The following HLA-DMA variants were observed in gnomAD, a reference collection of about 807,000 sequenced individuals.
HLA-DMA encodes major histocompatibility complex, class II, DM alpha.
Under a neutral mutation model 27.3 loss-of-function variants are expected in HLA-DMA, and 20 were observed. That is an observed-to-expected ratio of 0.73 (90% CI 0.52 to 1.07). HLA-DMA has a LOEUF of 1.07. Among genes scored for constraint, HLA-DMA ranks in the 50% least tolerant of loss-of-function variants. The pLI, the probability that HLA-DMA is intolerant of heterozygous loss-of-function variation, is 0.00. For missense variants in HLA-DMA, 241 were observed against 321.7 expected (o/e 0.75, Z 1.92); for synonymous variants, 111 against 126.8 (o/e 0.88, Z 0.83).
At position 32,950,119 on chromosome 6, in the gene HLA-DMA, C is replaced by T. The variant is rs1295772174; in HGVS notation, c.374-230G>A. The T allele has an allele frequency of 1.7e-6, 1 of 600,604 alleles. No individual in the cohort carries two copies. The highest frequency in any genetic ancestry group is 1.9e-5 in the African/African-American group (1 of 53,908). 37.2% of individuals were successfully genotyped at this position (600,604 alleles called of 1,614,324 possible). On this transcript the variant is annotated intron_variant, in intron 2 of 4. Transcript: ENST00000374843. This position sits in a 1 kb window ranked among gnomAD's most constrained non-coding sequence, Gnocchi z 5.0. ...AGATCCAGGCTACTCTGGACCCCTC[C>T]ACCATGACTTCCTTCAGCACTTCCT...
chr6:32,952,194 AG>A, intron 1 of HLA-DMA: 1 of 397,092 alleles, frequency 2.5e-6, no homozygotes, highest in Non-Finnish European at 5.1e-6. Context: ...CACTCTTAGA[AG>A]GGAAAGAGGA....
rs1206853198 is a variant in HLA-DMA at position 32,950,510 on chromosome 6, ACTC to A, written c.373+6_373+8del. The A allele has an allele frequency of 6.2e-7, 1 of 1,612,310 alleles. No individual in the cohort carries two copies. The highest frequency in any genetic ancestry group is 8.5e-7 in the Non-Finnish European group (1 of 1,179,734). On this transcript the variant is annotated splice_donor_region_variant and intron_variant, in intron 2 of 4. Coordinates refer to ENST00000374843, the MANE Select transcript of HLA-DMA (RefSeq NM_006120.4). This position sits in a 1 kb window ranked among gnomAD's most constrained non-coding sequence, Gnocchi z 5.0. ...CCCTCCTCCCTTCACTCCCCAGAAA[ACTC>A]CTGACCTCTGGACACCGGGATTTTC...
Position 32,948,734 on chromosome 6 carries a change from T to C in HLA-DMA, c.*130A>G, listed in dbSNP as rs562457909. 3 of 1,140,000 alleles carry C rather than the reference T, an allele frequency of 2.6e-6. No individual in the cohort carries two copies. The East Asian group carries it at 7.1e-5, about 27-fold the overall frequency. The allele number at this position is 1,140,000 out of a possible 1,614,324, so 70.6% of individuals were successfully genotyped here. On this transcript the variant is annotated 3_prime_UTR_variant, in exon 5 of 5. Transcript: ENST00000374843. ...CAGCAGAGTCCCCAGGTGGGAAATC[T>C]ACACACACACCCCAGGGATGTCCCA...
chr6:32,951,681 C>T (rs1457701997), intron 1 of HLA-DMA, among the ~76,000 whole-genome samples: 4 of 152,108 alleles, frequency 2.6e-5, no homozygotes, highest in Admixed American at 6.5e-5. Flanking sequence ...GTAATCCCAG[C>T]ACTTTGGGAG....
At position 32,950,282 on chromosome 6, in the gene HLA-DMA, G is replaced by A. The variant is rs1776836976; in HGVS notation, c.373+237C>T. The A allele has an allele frequency of 8.2e-6, 5 of 608,474 alleles. No homozygotes were observed. Among genetic ancestry groups the A allele is most frequent in the East Asian group, 2.7e-5 (1 of 36,626 alleles). The allele number at this position is 608,474 out of a possible 1,614,324, so 37.7% of individuals were successfully genotyped here. A position where few individuals can be genotyped will look rare whatever the true frequency, so the allele number is the denominator to read the frequency against. ...TGTTAATATTCAGTAGGTATCAGTT[G>A]GTACCTGTTGAATTCATCACATTCA... On this transcript the variant is annotated intron_variant, in intron 2 of 4. Coordinates refer to ENST00000374843, the MANE Select transcript of HLA-DMA (RefSeq NM_006120.4). The surrounding 1 kb of genome is among the most constrained non-coding windows in gnomAD (Gnocchi z 5.0).
At chr6:32,952,058 A>G (rs1005669902) in intron 1 of HLA-DMA, among the ~76,000 whole-genome samples, 5 of 152,208 alleles carry the variant, frequency 3.3e-5, no homozygotes, top group African/African-American at 1.2e-4. Flanking sequence ...GAAGCAAGTG[A>G]AAGCCTGCAT....
chr6:32,948,871 G>T lies in HLA-DMA; in HGVS notation c.782-3C>A, dbSNP rs367902530. On this transcript the variant is annotated splice_region_variant and splice_polypyrimidine_tract_variant and intron_variant, in intron 4 of 4. Transcript: ENST00000374843. ...AACTCTGGTCTGGAAGAATCAGTCT[G>T]GGGGAGAGACAGGGATGGAGGAAAG... 2.5e-6 allele frequency: 4 copies of T among 1,613,532 alleles called. No homozygotes were observed. The highest frequency in any genetic ancestry group is 2.5e-6 in the Non-Finnish European group (3 of 1,179,824).
Position 32,949,890 on chromosome 6 carries a change from CTGG to C in HLA-DMA, c.374-4_374-2del, listed in dbSNP as rs1372089430. The C allele has an allele frequency of 1.9e-6, 3 of 1,611,862 alleles. No individual in the cohort carries two copies. The highest frequency in any genetic ancestry group is 2.5e-6 in the Non-Finnish European group (3 of 1,179,130). On this transcript the variant is annotated splice_acceptor_variant and splice_polypyrimidine_tract_variant and intron_variant, in intron 2 of 4. Coordinates refer to ENST00000374843, the MANE Select transcript of HLA-DMA (RefSeq NM_006120.4). LOFTEE classifies it high-confidence loss of function. The surrounding 1 kb of genome is among the most constrained non-coding windows in gnomAD (Gnocchi z 5.8). ...GTGAACACTTCAGCGATAGGAAACCCTGGTGGGGGGATTGAAGTGTAGGGGGAA... is the reference window on the plus strand; with the variant it reads ...GTGAACACTTCAGCGATAGGAAACCCTGGGGGGATTGAAGTGTAGGGGGAA...
chr6:32,951,839 G>C (rs1274083643), intron 1 of HLA-DMA, among the ~76,000 whole-genome samples: 1 of 152,108 alleles, frequency 6.6e-6, no homozygotes, highest in Non-Finnish European at 1.5e-5. Flanking sequence ...TGAGGCAGGA[G>C]AGTCTCTTGA....
intron 1 of HLA-DMA, 49 bp downstream of exon 1, chr6:32,952,900 A>G: frequency 7.0e-7 from 1 of 1,424,230 alleles, no homozygotes; most frequent in Non-Finnish European, 9.9e-7. Flanking sequence ...CACAAAGCTG[A>G]GTGGGCTCCC....
chr6:32,950,473 A>G lies in HLA-DMA; in HGVS notation c.373+46T>C, dbSNP rs746217051. On this transcript the variant is annotated intron_variant, in intron 2 of 4. Transcript: ENST00000374843. The surrounding 1 kb of genome is among the most constrained non-coding windows in gnomAD (Gnocchi z 5.0). The stretch of plus-strand genomic sequence containing the variant: ...GAATTATTCAGTGTACAGATCAATG[A>G]GGTTAATGCAGCCCTCCTCCCTTCA... The G allele has an allele frequency of 1.3e-6, 2 of 1,590,642 alleles. No individual in the cohort carries two copies. Among genetic ancestry groups the G allele is most frequent in the South Asian group, 1.1e-5 (1 of 90,110 alleles).
intron 4 of HLA-DMA, 83 bp from the exon 5 acceptor site, chr6:32,948,951 G>A (rs1776768799): frequency 6.7e-7 from 1 of 1,502,676 alleles, no homozygotes; most frequent in Non-Finnish European, 9.1e-7. Context: ...CCCCACAAAG[G>A]CCTTGCTCGC....
Position 32,953,040 on chromosome 6 carries a change from T to C in HLA-DMA, c.-4A>G, listed in dbSNP as rs1420003839. 6.2e-7 allele frequency: 1 copy of C among 1,611,368 alleles called. No homozygotes were observed. Among genetic ancestry groups the C allele is most frequent in the South Asian group, 1.1e-5 (1 of 90,950 alleles). On this transcript the variant is annotated 5_prime_UTR_variant, in exon 1 of 5. Coordinates refer to ENST00000374843, the MANE Select transcript of HLA-DMA (RefSeq NM_006120.4). Reference sequence around the variant, plus strand: ...CTTGGTTCTGTTCATGACCCATACCTTCTTGCCACACAGTAGGTAGGAGCT... The same window carrying C: ...CTTGGTTCTGTTCATGACCCATACCCTCTTGCCACACAGTAGGTAGGAGCT...
Position 32,949,565 on chromosome 6 carries a change from C to A in HLA-DMA, c.652+46G>T, listed in dbSNP as rs768818911. The A allele has an allele frequency of 6.2e-7, 1 of 1,609,356 alleles. No homozygotes were observed. Among genetic ancestry groups the A allele is most frequent in the Non-Finnish European group, 8.5e-7 (1 of 1,176,702 alleles). Reference sequence around the variant, plus strand: ...AGAAGCCTCCTCCCATGGATCTATCCCTTTTTGCCCCCAAAAGGACCAGAA... The same window carrying A: ...AGAAGCCTCCTCCCATGGATCTATCACTTTTTGCCCCCAAAAGGACCAGAA... On this transcript the variant is annotated intron_variant, in intron 3 of 4. Coordinates refer to ENST00000374843, the MANE Select transcript of HLA-DMA (RefSeq NM_006120.4). This position sits in a 1 kb window ranked among gnomAD's most constrained non-coding sequence, Gnocchi z 5.8.
Position 32,950,410 on chromosome 6 carries a change from A to G in HLA-DMA, c.373+109T>C, listed in dbSNP as rs971050833. On this transcript the variant is annotated intron_variant, in intron 2 of 4. Coordinates refer to ENST00000374843, the MANE Select transcript of HLA-DMA (RefSeq NM_006120.4). The surrounding 1 kb of genome is among the most constrained non-coding windows in gnomAD (Gnocchi z 5.0). ...TGGAAAAATTAAGGTGATGAAGAGA[A>G]CCAGAAAGTATTTGAGATGGGGAGC... 32 of 1,344,164 alleles carry G rather than the reference A, an allele frequency of 2.4e-5. No individual in the cohort carries two copies. The African/African-American group carries it at 4.2e-4, about 18-fold the overall frequency. The allele number at this position is 1,344,164 out of a possible 1,614,324, so 83.3% of individuals were successfully genotyped here.
Position 32,949,356 on chromosome 6 carries a change from C to T in HLA-DMA, c.696G>A (p.Leu232=), listed in dbSNP as rs561531615. ...ALPSDLLENV[L]CGVAFGLGVL... ...CACCCAGGCCAAAGGCCACGCCACA[C>T]AGCACATTCTCCAGCAGATCTGAGG... Residue 232 remains leucine (L), a synonymous_variant, in exon 4 of 5, where the codon CTG becomes CTA. Transcript: ENST00000374843. The surrounding 1 kb of genome is among the most constrained non-coding windows in gnomAD (Gnocchi z 5.8). 2 of 1,614,180 alleles carry T rather than the reference C, an allele frequency of 1.2e-6. No individual in the cohort carries two copies. Among genetic ancestry groups the T allele is most frequent in the East Asian group, 2.2e-5 (1 of 44,874 alleles).
chr6:32,949,988 G>T lies in HLA-DMA; in HGVS notation c.374-99C>A. ...GGCATATGGAGGGGAGGGCAGAGAA[G>T]AACACAGTGGGTCAGGCTTTGGGAG... On this transcript the variant is annotated intron_variant, in intron 2 of 4. Coordinates refer to ENST00000374843, the MANE Select transcript of HLA-DMA (RefSeq NM_006120.4). This position sits in a 1 kb window ranked among gnomAD's most constrained non-coding sequence, Gnocchi z 5.8. The T allele has an allele frequency of 1.7e-6, 2 of 1,166,386 alleles. No individual in the cohort carries two copies. Among genetic ancestry groups the T allele is most frequent in the Non-Finnish European group, 2.5e-6 (2 of 813,124 alleles). The allele number at this position is 1,166,386 out of a possible 1,614,324, so 72.3% of individuals were successfully genotyped here.
Position 32,949,203 on chromosome 6 carries a change from GAC to G in HLA-DMA, c.781+66_781+67del. The G allele has an allele frequency of 6.3e-7, 1 of 1,599,174 alleles. No individual in the cohort carries two copies. Among genetic ancestry groups the G allele is most frequent in the Non-Finnish European group, 8.6e-7 (1 of 1,168,352 alleles). ...TCCCCCCATGCCACAAAATAATCCT[GAC>G]ACATGCACGCATGCACCACTGTATC... is the stretch of plus-strand genomic sequence containing the variant. On this transcript the variant is annotated intron_variant, in intron 4 of 4. Transcript: ENST00000374843. This position sits in a 1 kb window ranked among gnomAD's most constrained non-coding sequence, Gnocchi z 5.8.
intron 1 of HLA-DMA, 66 bp downstream of exon 1, chr6:32,952,883 T>A: frequency 1.6e-6 from 2 of 1,259,606 alleles, no homozygotes; most frequent in Non-Finnish European, 2.3e-6. Flanking sequence ...AGCACAGCGC[T>A]TTTCCTCACA....
Sources: gnomAD v4.1 joint callset for allele counts (sites outside exome capture counted in the v4.1 genomes callset) on GRCh38, gnomAD v4.1.1 for gene constraint, Gnocchi (gnomAD v3.1) non-coding constraint, MANE v1.5 for transcripts, NCBI Gene and HGNC (gene_info 2026-07-23, HGNC 2026-07-21) for gene names.